SLC5A1: variants seen among roughly 807,000 people sequenced by gnomAD.
The protein encoded by SLC5A1 is solute carrier family 5 member 1.
SLC5A1 carries 42 observed loss-of-function variants against 73.5 expected under a neutral mutation model. The observed-to-expected ratio is 0.57, with a 90% CI of 0.45 to 0.74. The LOEUF is 0.74. Ranked by LOEUF, SLC5A1 falls within the 30% of genes least tolerant of loss-of-function variation. The pLI, the probability that SLC5A1 is intolerant of heterozygous loss-of-function variation, is 0.00. For missense variants in SLC5A1, 634 were observed against 855.4 expected, an observed-to-expected ratio of 0.74 and a Z score of 3.23; for synonymous variants, 300 against 317.4, an observed-to-expected ratio of 0.95 and a Z score of 0.58.
At chr22:32,074,379 G>T (rs190745437) in intron 5 of SLC5A1, among the ~76,000 whole-genome samples, 1 of 152,204 alleles carries the variant, frequency 6.6e-6, no homozygotes, top group African/African-American at 2.4e-5. Flanking sequence ...GATCTGGATG[G>T]AGCCCATCCC....
chr22:32,091,599 CCTT>C lies in SLC5A1; in HGVS notation c.1130-10_1130-8del, dbSNP rs770678836. ...GTGCTGTTATGTGCCACTCAAAAATCCTTCTCTTCCAGGACTGCGAGGCCTGAT... is the reference window on the plus strand; with the variant it reads ...GTGCTGTTATGTGCCACTCAAAAATCCTCTTCCAGGACTGCGAGGCCTGAT... On this transcript the variant is annotated splice_polypyrimidine_tract_variant and intron_variant, in intron 10 of 14. Transcript: ENST00000266088. 220 of 1,613,954 alleles carry C rather than the reference CCTT, an allele frequency of 1.4e-4. No individual in the cohort carries two copies. In the South Asian group the frequency reaches 2.2e-3, roughly 16 times the overall value.
At chr22:32,053,668 C>T (rs557871285) in intron 2 of SLC5A1, among the ~76,000 whole-genome samples, 1 of 152,102 alleles carries the variant, frequency 6.6e-6, no homozygotes, top group South Asian at 2.1e-4. Context: ...CTTCTGTAGA[C>T]AGAAAAAAAA....
Position 32,084,952 on chromosome 22 carries a change from G to A in SLC5A1, c.938G>A (p.Gly313Asp), listed in dbSNP as rs1336341879. ...AAGAATATGTCTCACGTGAAGGGTGGCTGCATCCTGTGTGGGTATCTAAAG... is the reference window on the plus strand; with the variant it reads ...AAGAATATGTCTCACGTGAAGGGTGACTGCATCCTGTGTGGGTATCTAAAG... ...SAKNMSHVKG[G>D]CILCGYLKLM... The change falls in exon 9 of 15, where the codon GGC becomes GAC. Residue 313 changes from glycine to aspartate, a missense_variant. By Grantham distance (94) the Gly-to-Asp change is moderately conservative (BLOSUM62 -1). This residue lies in a region of SLC5A1 where 422 missense variants were observed against 626.1 expected (regional missense o/e 0.67). Transcript: ENST00000266088. The A allele has an allele frequency of 6.2e-7, 1 of 1,614,064 alleles. No homozygotes were observed. Among genetic ancestry groups the A allele is most frequent in the Non-Finnish European group, 8.5e-7 (1 of 1,180,012 alleles).
At chr22:32,075,065 T>A (rs1199698347) in intron 5 of SLC5A1, among the ~76,000 whole-genome samples, 1 of 151,284 alleles carries the variant, frequency 6.6e-6, no homozygotes, top group Non-Finnish European at 1.5e-5. Context: ...CCCAGCTATT[T>A]TTTACTTTTT....
intron 14 of SLC5A1, among the ~76,000 whole-genome samples, chr22:32,108,237 G>A (rs1479950014): frequency 1.3e-5 from 2 of 151,872 alleles, no homozygotes. Flanking sequence ...CTCCCGAGTA[G>A]CTGGGACTAC....
chr22:32,072,738 C>G (rs1446256263), intron 5 of SLC5A1, among the ~76,000 whole-genome samples: 1 of 152,202 alleles, frequency 6.6e-6, no homozygotes, highest in Non-Finnish European at 1.5e-5. Flanking sequence ...AGGATCTGAA[C>G]AAAGTCTAGA....
chr22:32,086,318 A>G lies in SLC5A1; in HGVS notation c.1120A>G (p.Met374Val), dbSNP rs1397555319. Reference protein sequence around the residue: ...IAYPTLVVELMPNGLRGLMLS... With the variant: ...IAYPTLVVELVPNGLRGLMLS... ...CTATCCAACCTTAGTGGTGGAGCTCATGCCCAATGGTGAGATTCTTTCTTG... is the reference window on the plus strand; with the variant it reads ...CTATCCAACCTTAGTGGTGGAGCTCGTGCCCAATGGTGAGATTCTTTCTTG... The change falls in exon 10 of 15, where the codon ATG becomes GTG. Residue 374 changes from methionine to valine, a missense_variant. Physicochemically the swap from Met to Val is conservative, Grantham distance 21. Around this residue, in one of 3 missense-constraint regions of SLC5A1, gnomAD observed 422 missense variants for 626.1 expected, o/e 0.67. Transcript: ENST00000266088. 3 of 1,608,694 alleles carry G rather than the reference A, an allele frequency of 1.9e-6. No homozygotes were observed. Among genetic ancestry groups the G allele is most frequent in the African/African-American group, 2.7e-5 (2 of 74,838 alleles).
chr22:32,068,548 AGGTC>A lies in SLC5A1; in HGVS notation c.426_429del (p.Gln142HisfsTer31), dbSNP rs2093977891. On this transcript the variant is annotated frameshift_variant, in exon 5 of 15. Coordinates refer to ENST00000266088, the MANE Select transcript of SLC5A1 (RefSeq NM_000343.4). LOFTEE classifies it high-confidence loss of function. ...AAGCGGTTTGGAGGCCAGCGGATCC[AGGTC>A]TACCTTTCCCTTCTGTCCCTGCTGC... 6.2e-7 allele frequency: 1 copy of A among 1,614,036 alleles called. No homozygotes were observed. The highest frequency in any genetic ancestry group is 8.5e-7 in the Non-Finnish European group (1 of 1,179,998).
chr22:32,084,550 G>A lies in SLC5A1; in HGVS notation c.776G>A (p.Arg259Lys). The A allele has an allele frequency of 4.3e-6, 7 of 1,614,198 alleles. No homozygotes were observed. Among genetic ancestry groups the A allele is most frequent in the Non-Finnish European group, 5.9e-6 (7 of 1,180,038 alleles). The change falls in exon 8 of 15, where the codon AGG becomes AAG. Residue 259 changes from arginine (R) to lysine (K), a missense_variant. Coordinates refer to ENST00000266088, the MANE Select transcript of SLC5A1 (RefSeq NM_000343.4). ...TTFQEKCYTP[R>K]ADSFHIFRDP... is the part of the protein sequence containing the mutation. The stretch of plus-strand genomic sequence containing the variant: ...TTTCAGGAAAAATGCTACACTCCAA[G>A]GGCCGACTCCTTCCACATCTTCCGA...
intron 13 of SLC5A1, 123 bp from the exon 14 acceptor site, chr22:32,104,663 C>T (rs2094041960): frequency 1.4e-6 from 1 of 732,170 alleles, no homozygotes; most frequent in Non-Finnish European, 2.5e-6. Context: ...TGTGTATGTT[C>T]TTCCTGGTAC....
chr22:32,063,719 C>T lies in SLC5A1; in HGVS notation c.208-3216C>T, dbSNP rs73884268. ...AGAGAATAGAGATCCTCTAGCAGCC[C>T]GCTACTTGGTCCTGTTGAGAGATAG... is the stretch of plus-strand genomic sequence containing the variant. On this transcript the variant is annotated intron_variant, in intron 2 of 14. Coordinates refer to ENST00000266088, the MANE Select transcript of SLC5A1 (RefSeq NM_000343.4). Among the ~76,000 whole-genome samples the T allele has an allele frequency of 9.3e-3, 1,409 of 152,116 alleles. 25 individuals are homozygous for T. Among genetic ancestry groups the T allele is most frequent in the African/African-American group, 0.032 (1,314 of 41,472 alleles).
chr22:32,107,001 A>C (rs2094047335), intron 14 of SLC5A1, among the ~76,000 whole-genome samples: 1 of 152,208 alleles, frequency 6.6e-6, no homozygotes, highest in South Asian at 2.1e-4. Flanking sequence ...AGACATGTAA[A>C]TTGAGGCTTA....
intron 11 of SLC5A1, 78 bp from the exon 12 acceptor site, chr22:32,099,105 A>AATATATATATATATATATATATATATAT (rs765568860): frequency 3.5e-5 from 2 of 56,516 alleles, no homozygotes; most frequent in Non-Finnish European, 6.6e-5. Flanking sequence ...AAAAAAAAAA[A>AATATATATATATATATATATATATATAT]ATATATATAT....
At position 32,068,609 on chromosome 22, in the gene SLC5A1, A is replaced by T; in HGVS notation, c.477+9A>T. 1 of 1,574,938 alleles carries T rather than the reference A, an allele frequency of 6.3e-7. No individual in the cohort carries two copies. The highest frequency in any genetic ancestry group is 1.1e-5 in the South Asian group (1 of 90,242). ...TTTTCACCAAGATCTCGGTGAGTCC[A>T]CTGCCCCAGAGGGCTGGGCTGTCTC... On this transcript the variant is annotated intron_variant, in intron 5 of 14. Transcript: ENST00000266088.
chr22:32,066,692 G>C (rs965087878), intron 2 of SLC5A1, among the ~76,000 whole-genome samples: 2 of 152,166 alleles, frequency 1.3e-5, no homozygotes, highest in African/African-American at 4.8e-5. Context: ...CAGATGATCT[G>C]GTTTTGGGAT....
intron 2 of SLC5A1, among the ~76,000 whole-genome samples, chr22:32,053,393 CTCTCT>C (rs1205690675): frequency 7.2e-6 from 1 of 138,412 alleles, no homozygotes; most frequent in Non-Finnish European, 1.7e-5. Context: ...TCTCTTTCCC[CTCTCT>C]TCTCTTTTCC....
intron 14 of SLC5A1, 67 bp downstream of exon 14, chr22:32,104,958 A>G: frequency 8.9e-7 from 1 of 1,118,778 alleles, no homozygotes; most frequent in South Asian, 1.3e-5. Context: ...GACTTTACTG[A>G]AGTTCTTCCC....
At chr22:32,059,312 C>T (rs564394967) in intron 2 of SLC5A1, 7 of 985,524 alleles carry the variant, frequency 7.1e-6, no homozygotes, top group South Asian at 4.7e-5. Context: ...GGATGTGACA[C>T]GCACCAGGAG....
intron 5 of SLC5A1, among the ~76,000 whole-genome samples, chr22:32,077,636 C>T (rs1224626608): frequency 1.3e-5 from 2 of 152,090 alleles, no homozygotes; most frequent in Non-Finnish European, 2.9e-5. Context: ...AGCAAACACC[C>T]TTATATTCAC....
Sources: gnomAD v4.1 joint callset for allele counts (sites outside exome capture counted in the v4.1 genomes callset) on GRCh38, gnomAD v4.1.1 for gene constraint, gnomAD v4.1.1 regional missense constraint, MANE v1.5 for transcripts, NCBI Gene and HGNC (gene_info 2026-07-23, HGNC 2026-07-21) for gene names.